MERTK: variants seen among roughly 807,000 people sequenced by gnomAD.
The protein encoded by MERTK is tyrosine-protein kinase Mer.
A neutral mutation model predicts 99.3 loss-of-function variants in MERTK; 69 were observed. The observed-to-expected ratio is 0.70, with a 90% CI of 0.57 to 0.85. The LOEUF (loss-of-function observed/expected upper bound fraction) is 0.85. Among genes scored for constraint, MERTK ranks in the 40% least tolerant of loss-of-function variants. MERTK has a pLI of 0.00. For missense variants in MERTK, 1,125 were observed against 1,249.4 expected (o/e 0.90, Z 1.50); for synonymous variants, 426 against 467.6 (o/e 0.91, Z 1.15).
chr2:111,931,936 G>A (rs1014653324), intron 2 of MERTK, among the ~76,000 whole-genome samples: 4 of 152,136 alleles, frequency 2.6e-5, no homozygotes, highest in African/African-American at 9.7e-5. Context: ...GCCATGAGCT[G>A]TTCAGAGGAC....
At chr2:111,967,273 T>C (rs1340847892) in intron 5 of MERTK, among the ~76,000 whole-genome samples, 1 of 152,214 alleles carries the variant, frequency 6.6e-6, no homozygotes, top group Non-Finnish European at 1.5e-5. Context: ...TGATCCTGTT[T>C]CCTTATCTAT....
chr2:111,936,904 T>A (rs924638773), intron 2 of MERTK, among the ~76,000 whole-genome samples: 2 of 152,128 alleles, frequency 1.3e-5, no homozygotes, highest in African/African-American at 4.8e-5. Context: ...AACAGCCCTC[T>A]AGCTTGGGTG....
chr2:112,026,775 A>G (rs1677472352), intron 18 of MERTK, among the ~76,000 whole-genome samples: 1 of 152,228 alleles, frequency 6.6e-6, no homozygotes, highest in African/African-American at 2.4e-5. Context: ...ATATTATTAT[A>G]CATCTACGTG....
intron 9 of MERTK, chr2:111,996,954 A>G (rs1676758153): frequency 3.4e-6 from 1 of 294,708 alleles, no homozygotes; most frequent in South Asian, 3.4e-5. Context: ...ATTTTAAACT[A>G]CAGTAGAAGT....
At chr2:111,910,517 G>A (rs1359523504) in intron 1 of MERTK, among the ~76,000 whole-genome samples, 1 of 151,316 alleles carries the variant, frequency 6.6e-6, no homozygotes, top group Non-Finnish European at 1.5e-5. Flanking sequence ...TGATCCACCC[G>A]CCTCAGTCTC....
chr2:111,946,215 A>G (rs1372089161), intron 3 of MERTK, among the ~76,000 whole-genome samples: 1 of 152,176 alleles, frequency 6.6e-6, no homozygotes, highest in Non-Finnish European at 1.5e-5. Context: ...CATCAGCCAA[A>G]GAGGGGGTTT....
At chr2:111,950,671 T>C (rs1203429840) in intron 4 of MERTK, among the ~76,000 whole-genome samples, 2 of 152,240 alleles carry the variant, frequency 1.3e-5, no homozygotes, top group Admixed American at 1.3e-4. Flanking sequence ...TAGACAAGAC[T>C]TAGAGAAGAT....
intron 2 of MERTK, among the ~76,000 whole-genome samples, chr2:111,944,518 C>T (rs1684924592): frequency 1.3e-5 from 2 of 152,308 alleles, no homozygotes; most frequent in African/African-American, 2.4e-5. Context: ...AATAATTCCT[C>T]TGTTTTAAGG....
intron 10 of MERTK, among the ~76,000 whole-genome samples, chr2:111,999,308 T>A (rs915394666): frequency 4.6e-5 from 7 of 152,196 alleles, no homozygotes; most frequent in African/African-American, 1.7e-4. Context: ...AAAATTAATT[T>A]ATTTTTTTGA....
intron 9 of MERTK, among the ~76,000 whole-genome samples, chr2:111,995,804 A>G (rs1280286894): frequency 1.3e-5 from 2 of 152,004 alleles, no homozygotes; most frequent in Non-Finnish European, 2.9e-5. Flanking sequence ...AACGACAACA[A>G]CAAAAATTAG....
At chr2:111,948,415 A>G (rs1023672779) in intron 4 of MERTK, among the ~76,000 whole-genome samples, 2 of 152,128 alleles carry the variant, frequency 1.3e-5, no homozygotes, top group South Asian at 2.1e-4. Flanking sequence ...CTTTGGGCCC[A>G]TGGTTTAACA....
At chr2:111,977,568 ACTTCT>A (rs1676279131) in intron 7 of MERTK, among the ~76,000 whole-genome samples, 1 of 152,036 alleles carries the variant, frequency 6.6e-6, no homozygotes, top group African/African-American at 2.4e-5. Context: ...AGTTTATTGA[ACTTCT>A]GGGGTCTCTG....
chr2:111,911,919 G>A (rs933398643), intron 1 of MERTK, among the ~76,000 whole-genome samples: 1 of 151,628 alleles, frequency 6.6e-6, no homozygotes, highest in African/African-American at 2.4e-5. Flanking sequence ...TAACTCCTGG[G>A]GTCAAGTGAT....
chr2:111,930,956 A>G (rs1248673429), intron 2 of MERTK, among the ~76,000 whole-genome samples: 2 of 152,222 alleles, frequency 1.3e-5, no homozygotes, highest in Non-Finnish European at 2.9e-5. Flanking sequence ...TAAAAGCACA[A>G]AATGAGGTCA....
In MERTK at chr2:111,996,892, C is replaced by CT. The variant is rs1188725554; in HGVS notation, c.1451-430dup. ...TAGAAGGCAAACTATTTAACCTACT[C>CT]TCGATCGTTTTTTTACAAAGAAATG... On this transcript the variant is annotated intron_variant, in intron 9 of 18. Coordinates refer to ENST00000295408, the MANE Select transcript of MERTK (RefSeq NM_006343.3). The CT allele has an allele frequency of 2.4e-5, 6 of 251,546 alleles. No individual in the cohort carries two copies. In the East Asian group the frequency reaches 6.2e-4, roughly 26 times the overall value. The allele number at this position is 251,546 out of a possible 1,614,324, so 15.6% of individuals were successfully genotyped here.
intron 2 of MERTK, 131 bp from the exon 3 acceptor site, chr2:111,944,829 A>G (rs1294561596): frequency 1.2e-5 from 9 of 777,670 alleles, no homozygotes; most frequent in Non-Finnish European, 1.7e-5. Flanking sequence ...ACTGCGTACA[A>G]TGGCCTAGCC....
At chr2:111,979,125 T>C (rs2104737619) in intron 7 of MERTK, among the ~76,000 whole-genome samples, 1 of 152,320 alleles carries the variant, frequency 6.6e-6, no homozygotes, top group South Asian at 2.1e-4. Flanking sequence ...TCTGGTGCCT[T>C]CTCCTGGGTA....
chr2:111,957,755 C>G (rs1485448990), intron 4 of MERTK, among the ~76,000 whole-genome samples: 2 of 152,058 alleles, frequency 1.3e-5, no homozygotes, highest in Non-Finnish European at 2.9e-5. Context: ...TAGAGAGGTC[C>G]AAGTTAAGAA....
At chr2:111,949,213 A>G (rs1685013153) in intron 4 of MERTK, among the ~76,000 whole-genome samples, 1 of 152,006 alleles carries the variant, frequency 6.6e-6, no homozygotes, top group Non-Finnish European at 1.5e-5. Flanking sequence ...GTCACCGTCT[A>G]TAATTACCCA....
Sources: gnomAD v4.1 joint callset for allele counts (sites outside exome capture counted in the v4.1 genomes callset) on GRCh38, gnomAD v4.1.1 for gene constraint, MANE v1.5 for transcripts, NCBI Gene and HGNC (gene_info 2026-07-23, HGNC 2026-07-21) for gene names.